CREB3L2: variants seen among roughly 807,000 people sequenced by gnomAD.
CREB3L2 encodes cyclic AMP-responsive element-binding protein 3-like protein 2.
A neutral mutation model predicts 57.2 loss-of-function variants in CREB3L2; 23 were observed. The observed-to-expected ratio is 0.40, with a 90% CI of 0.29 to 0.57. The LOEUF (loss-of-function observed/expected upper bound fraction) is 0.57, where lower values mean the gene tolerates loss of function less well. Among genes scored for constraint, CREB3L2 ranks in the 20% least tolerant of loss-of-function variants. The pLI is 0.42. For missense variants in CREB3L2, 628 were observed against 634.7 expected (o/e 0.99, Z 0.11); for synonymous variants, 268 against 265.1 (o/e 1.01, Z -0.11).
intron 2 of CREB3L2, among the ~76,000 whole-genome samples, chr7:137,916,787 TGAGAGCGAGAGC>T (rs551289499): frequency 6.8e-6 from 1 of 147,788 alleles, no homozygotes; most frequent in African/African-American, 2.5e-5. Flanking sequence ...AGAGTGAGAG[TGAGAGCGAGAGC>T]GAGAGCGAGT....
chr7:137,965,979 C>A (rs1266741576), intron 1 of CREB3L2, among the ~76,000 whole-genome samples: 1 of 152,116 alleles, frequency 6.6e-6, no homozygotes, highest in African/African-American at 2.4e-5. Context: ...TGCAGTGGGG[C>A]CCAAGAATAT....
chr7:137,927,122 G>A (rs1021723573), intron 2 of CREB3L2, among the ~76,000 whole-genome samples: 4 of 151,878 alleles, frequency 2.6e-5, no homozygotes, highest in African/African-American at 9.7e-5. Flanking sequence ...TCATACCACT[G>A]AACTGTAGCC....
Position 137,994,867 on chromosome 7 carries a change from T to A in CREB3L2, c.102+6737A>T, listed in dbSNP as rs563404476. On this transcript the variant is annotated intron_variant, in intron 1 of 11. Coordinates refer to ENST00000330387, the MANE Select transcript of CREB3L2 (RefSeq NM_194071.4). ...GCCCAGGGCAAATTACTGTGAATTT[T>A]AAATTTTCTAGTTGCTAGCCCATGT... is the stretch of plus-strand genomic sequence containing the variant. Among the ~76,000 whole-genome samples, 3 of 152,346 alleles carry A rather than the reference T, an allele frequency of 2.0e-5. No individual in the cohort carries two copies. The South Asian group carries it at 6.2e-4, about 32-fold the overall frequency.
chr7:137,962,229 A>G (rs1309083412), intron 1 of CREB3L2, among the ~76,000 whole-genome samples: 2 of 152,092 alleles, frequency 1.3e-5, no homozygotes, highest in South Asian at 2.1e-4. Flanking sequence ...GCTGCCATAC[A>G]CTGAACTAAA....
intron 1 of CREB3L2, among the ~76,000 whole-genome samples, chr7:137,993,040 G>A (rs1056720701): frequency 6.6e-6 from 1 of 152,208 alleles, no homozygotes; most frequent in Non-Finnish European, 1.5e-5. Context: ...GCAGAGGCCT[G>A]TGTTTACAGC....
At chr7:137,951,635 A>C (rs1453136829) in intron 1 of CREB3L2, among the ~76,000 whole-genome samples, 1 of 152,226 alleles carries the variant, frequency 6.6e-6, no homozygotes, top group Non-Finnish European at 1.5e-5. Flanking sequence ...TCATGCATTC[A>C]AAGGGCAATG....
At chr7:137,916,080 C>T (rs1800125920) in intron 2 of CREB3L2, 68 bp from the exon 3 acceptor site, 1 of 1,310,682 alleles carries the variant, frequency 7.6e-7, no homozygotes, top group Admixed American at 2.5e-5. Context: ...AAACAAGCGA[C>T]CACTAGTCTT....
rs1366241540 is a variant in CREB3L2 at position 137,923,954 on chromosome 7, T to G, written c.319+4196A>C. ...CAGGCAGAGATAAAACCCTAGTCCT[T>G]GCCCTTCTCCAGCCTGTCCCACTTA... On this transcript the variant is annotated intron_variant, in intron 2 of 11. Coordinates refer to ENST00000330387, the MANE Select transcript of CREB3L2 (RefSeq NM_194071.4). Among the ~76,000 whole-genome samples the G allele has an allele frequency of 2.6e-5, 4 of 152,286 alleles. No individual in the cohort carries two copies. In the East Asian group the frequency reaches 5.8e-4, roughly 22 times the overall value.
intron 1 of CREB3L2, among the ~76,000 whole-genome samples, chr7:137,993,308 A>T (rs1486919980): frequency 1.3e-5 from 2 of 152,134 alleles, no homozygotes; most frequent in African/African-American, 2.4e-5. Context: ...TCAACATCAA[A>T]ATGGCCTGCC....
At chr7:137,968,548 CTTT>C (rs1801448279) in intron 1 of CREB3L2, among the ~76,000 whole-genome samples, 1 of 152,160 alleles carries the variant, frequency 6.6e-6, no homozygotes. Context: ...ACCCATCCTT[CTTT>C]AAGGCTGCAT....
At chr7:137,996,822 A>C (rs1435651751) in intron 1 of CREB3L2, among the ~76,000 whole-genome samples, 1 of 152,258 alleles carries the variant, frequency 6.6e-6, no homozygotes, top group African/African-American at 2.4e-5. Flanking sequence ...GATTTTACAA[A>C]TAACTTGGCT....
At chr7:137,946,006 T>A (rs548365737) in intron 1 of CREB3L2, among the ~76,000 whole-genome samples, 1 of 152,120 alleles carries the variant, frequency 6.6e-6, no homozygotes. Context: ...GCTCTCCAAA[T>A]GCACCCTCCC....
In CREB3L2 at chr7:137,941,933, AT is replaced by A. The variant is rs537096127; in HGVS notation, c.103-13568del. On this transcript the variant is annotated intron_variant, in intron 1 of 11. Coordinates refer to ENST00000330387, the MANE Select transcript of CREB3L2 (RefSeq NM_194071.4). ...AAAATGATGAAGGTCATAAAACATCATTTTTCTTTAGTGAACTCGGTCGATT... is the reference window on the plus strand; with the variant it reads ...AAAATGATGAAGGTCATAAAACATCATTTTCTTTAGTGAACTCGGTCGATT... Among the ~76,000 whole-genome samples the A allele has an allele frequency of 4.3e-3, 656 of 152,258 alleles. 5 individuals are homozygous for A. Among genetic ancestry groups the A allele is most frequent in the African/African-American group, 0.015 (608 of 41,530 alleles).
At chr7:137,972,866 A>C (rs1161584725) in intron 1 of CREB3L2, among the ~76,000 whole-genome samples, 1 of 151,230 alleles carries the variant, frequency 6.6e-6, no homozygotes, top group Non-Finnish European at 1.5e-5. Context: ...TGTAACATTC[A>C]TGAATAAATA....
intron 1 of CREB3L2, among the ~76,000 whole-genome samples, chr7:137,952,765 T>C (rs966422699): frequency 6.6e-6 from 1 of 152,208 alleles, no homozygotes; most frequent in Non-Finnish European, 1.5e-5. Flanking sequence ...TAATCACTTA[T>C]TTACCTATCT....
At chr7:137,991,277 C>T (rs931935980) in intron 1 of CREB3L2, among the ~76,000 whole-genome samples, 6 of 151,892 alleles carry the variant, frequency 4.0e-5, no homozygotes, top group Non-Finnish European at 4.4e-5. Flanking sequence ...TATTCTCCTG[C>T]CTCAGCCTCC....
chr7:137,999,547 C>A (rs1468958663), intron 1 of CREB3L2: 2 of 152,086 alleles, frequency 1.3e-5, no homozygotes, highest in Non-Finnish European at 2.9e-5. Context: ...ATAATCAGGC[C>A]ATCCTTTTTC....
At chr7:137,939,145 GAATAAA>G (rs1585644397) in intron 1 of CREB3L2, among the ~76,000 whole-genome samples, 1 of 152,098 alleles carries the variant, frequency 6.6e-6, no homozygotes, top group Admixed American at 6.5e-5. Context: ...GTACCAACAG[GAATAAA>G]AATAATGCGA....
intron 4 of CREB3L2, among the ~76,000 whole-genome samples, chr7:137,911,012 A>G (rs1257840694): frequency 6.6e-6 from 1 of 152,096 alleles, no homozygotes; most frequent in Non-Finnish European, 1.5e-5. Context: ...TCCTCCAATA[A>G]CCCTGGATTC....
Sources: gnomAD v4.1 joint callset for allele counts (sites outside exome capture counted in the v4.1 genomes callset) on GRCh38, gnomAD v4.1.1 for gene constraint, MANE v1.5 for transcripts, NCBI Gene and HGNC (gene_info 2026-07-23, HGNC 2026-07-21) for gene names.